Variants in FHOD3 observed in about 807,000 individuals in gnomAD.
The protein encoded by FHOD3 is FH1/FH2 domain-containing protein 3.
FHOD3 carries 90 observed loss-of-function variants against 173.0 expected under a neutral mutation model. The observed-to-expected ratio is 0.52, with a 90% CI of 0.44 to 0.62. The LOEUF is 0.62. Ranked by LOEUF, FHOD3 falls within the 20% of genes least tolerant of loss-of-function variation. The probability of loss-of-function intolerance (pLI) is 0.00; values close to 1 mark genes in which losing one functional copy is unlikely to be tolerated. For synonymous variants in FHOD3, 828 were observed against 823.0 expected, an observed-to-expected ratio of 1.01 and a Z score of -0.10; for missense variants, 1,945 against 2,034.7, an observed-to-expected ratio of 0.96 and a Z score of 0.85.
At chr18:36,356,926 AC>A (rs959904781) in intron 2 of FHOD3, among the ~76,000 whole-genome samples, 3 of 151,994 alleles carry the variant, frequency 2.0e-5, no homozygotes, top group African/African-American at 7.3e-5. Flanking sequence ...GAGTCACCAT[AC>A]CCAGCCTACT....
chr18:36,407,098 C>T (rs893484139), intron 3 of FHOD3, among the ~76,000 whole-genome samples: 1 of 152,320 alleles, frequency 6.6e-6, no homozygotes, highest in African/African-American at 2.4e-5. Context: ...CTTTCCCTGT[C>T]AGTCTTTGCT....
chr18:36,340,933 G>A (rs1477099831), intron 1 of FHOD3, among the ~76,000 whole-genome samples: 5 of 152,146 alleles, frequency 3.3e-5, no homozygotes, highest in Non-Finnish European at 5.9e-5. Flanking sequence ...CACCGCGCCC[G>A]GCCAGTCTCC....
At chr18:36,477,444 A>T (rs2053630662) in intron 3 of FHOD3, among the ~76,000 whole-genome samples, 1 of 152,032 alleles carries the variant, frequency 6.6e-6, no homozygotes, top group African/African-American at 2.4e-5. Context: ...TGTGACAGGG[A>T]AATAGCCAAA....
intron 7 of FHOD3, among the ~76,000 whole-genome samples, chr18:36,597,316 T>C (rs1402847513): frequency 2.0e-5 from 3 of 152,158 alleles, no homozygotes; most frequent in African/African-American, 4.8e-5. Context: ...ACCAAGTCTC[T>C]CCATCAAGAT....
At chr18:36,568,854 A>G (rs1366518911) in intron 5 of FHOD3, among the ~76,000 whole-genome samples, 2 of 152,226 alleles carry the variant, frequency 1.3e-5, no homozygotes, top group African/African-American at 4.8e-5. Context: ...CCCAACTTGC[A>G]TGGGAAAAGA....
intron 3 of FHOD3, among the ~76,000 whole-genome samples, chr18:36,495,838 C>T (rs932605888): frequency 2.0e-5 from 3 of 152,166 alleles, no homozygotes; most frequent in African/African-American, 7.2e-5. Flanking sequence ...CTAGGGAGCA[C>T]GATGTCTGTC....
In FHOD3 at chr18:36,426,969, T is replaced by C. The variant is rs188689316; in HGVS notation, c.337+54225T>C. On this transcript the variant is annotated intron_variant, in intron 3 of 28. Coordinates refer to ENST00000590592, the MANE Select transcript of FHOD3 (RefSeq NM_001281740.3). ...AACCAGGGAGTGGTACTGTTAAGAT[T>C]TGAATGCAGGGCTGTCTTCACAGCC... 4.1e-4 allele frequency among the ~76,000 whole-genome samples: 62 copies of C among 152,324 alleles called. 2 individuals are homozygous for C. The highest frequency in any genetic ancestry group is 3.7e-3 in the Admixed American group (57 of 15,304).
chr18:36,388,504 ACC>A (rs1397177187), intron 3 of FHOD3, among the ~76,000 whole-genome samples: 5 of 152,126 alleles, frequency 3.3e-5, no homozygotes, highest in Non-Finnish European at 7.3e-5. Flanking sequence ...AGCAGGACTT[ACC>A]TGCATGCCCC....
intron 5 of FHOD3, among the ~76,000 whole-genome samples, chr18:36,523,972 T>C (rs1302222511): frequency 6.6e-6 from 1 of 152,126 alleles, no homozygotes; most frequent in African/African-American, 2.4e-5. Flanking sequence ...TGGTGAACTA[T>C]CTTTAGTCAT....
intron 6 of FHOD3, among the ~76,000 whole-genome samples, chr18:36,585,000 C>CAA (rs1437037126): frequency 2.6e-5 from 4 of 152,060 alleles, no homozygotes; most frequent in African/African-American, 9.7e-5. Flanking sequence ...ATTTTTCTTA[C>CAA]AAAATTAACT....
At chr18:36,779,036 C>T (rs1187845528) in intron 28 of FHOD3, 1 of 167,782 alleles carries the variant, frequency 6.0e-6, no homozygotes, top group Non-Finnish European at 1.3e-5. Context: ...TTGCATTTTC[C>T]CCTGCTCTGG....
intron 19 of FHOD3, among the ~76,000 whole-genome samples, chr18:36,730,173 G>A (rs1186273374): frequency 5.9e-5 from 9 of 152,130 alleles, no homozygotes; most frequent in Non-Finnish European, 1.3e-4. Context: ...TGTAGATCTG[G>A]AGGGGCTGAC....
Position 36,602,689 on chromosome 18 carries a change from C to A in FHOD3, c.734C>A (p.Ser245Ter). ...TTACTCATAGGGGTCAAACCTTGGT[C>A]AAATATCATGGAAATCCTGGAGGAA... ...VDTKRGVKPW[S>*]NIMEILEEKD... Residue 245 changes from serine (S) to a stop codon, truncating the protein, a stop_gained, in exon 8 of 29, where the codon TCA (serine) becomes TAA (stop). Transcript: ENST00000590592. LOFTEE classifies it high-confidence loss of function. 1 of 1,613,980 alleles carries A rather than the reference C, an allele frequency of 6.2e-7. No homozygotes were observed. Among genetic ancestry groups the A allele is most frequent in the South Asian group, 1.1e-5 (1 of 91,046 alleles).
chr18:36,634,711 G>A (rs1479015681), intron 10 of FHOD3, among the ~76,000 whole-genome samples: 2 of 152,180 alleles, frequency 1.3e-5, no homozygotes, highest in Non-Finnish European at 2.9e-5. Flanking sequence ...AACTCAGGAT[G>A]ATGGTACCTG....
At position 36,653,402 on chromosome 18, in the gene FHOD3, T is replaced by C; in HGVS notation, c.1707T>C (p.Ser569=). The C allele has an allele frequency of 6.5e-7, 1 of 1,533,078 alleles. No individual in the cohort carries two copies. Among genetic ancestry groups the C allele is most frequent in the Non-Finnish European group, 8.7e-7 (1 of 1,144,700 alleles). 95.0% of individuals were successfully genotyped at this position (1,533,078 alleles called of 1,614,324 possible). A position where few individuals can be genotyped will look rare whatever the true frequency, so the allele number is the denominator to read the frequency against. Reference sequence around the variant, plus strand: ...CCTCTGAGCCTTACCACTTCCGATCTTTCTCTTCTAATAGGTGGGTGTCTT... The same window carrying C: ...CCTCTGAGCCTTACCACTTCCGATCCTTCTCTTCTAATAGGTGGGTGTCTT... ...YSASEPYHFR[S]FSSNRYSNFG... is the part of the protein sequence containing the mutation. Residue 569 remains serine, a synonymous_variant, in exon 13 of 29, where the codon TCT becomes TCC. Coordinates refer to ENST00000590592, the MANE Select transcript of FHOD3 (RefSeq NM_001281740.3).
chr18:36,531,455 G>T (rs1286126463), intron 5 of FHOD3, among the ~76,000 whole-genome samples: 1 of 152,130 alleles, frequency 6.6e-6, no homozygotes, highest in Non-Finnish European at 1.5e-5. Context: ...ACACTCTAGT[G>T]GTTGAGACCC....
At chr18:36,503,146 A>G (rs965002233) in intron 4 of FHOD3, among the ~76,000 whole-genome samples, 5 of 152,130 alleles carry the variant, frequency 3.3e-5, no homozygotes, top group African/African-American at 9.7e-5. Context: ...CACCAACATA[A>G]TGAAGAGGAC....
chr18:36,774,988 G>GA (rs535897070), intron 28 of FHOD3, among the ~76,000 whole-genome samples: 4 of 152,072 alleles, frequency 2.6e-5, no homozygotes, highest in South Asian at 2.1e-4. Flanking sequence ...ATTTTATGTG[G>GA]AAAAAAAGGA....
At chr18:36,440,618 C>T (rs972072692) in intron 3 of FHOD3, among the ~76,000 whole-genome samples, 4 of 152,246 alleles carry the variant, frequency 2.6e-5, no homozygotes, top group African/African-American at 4.8e-5. Flanking sequence ...TGCTCCAGGA[C>T]TCTGAAGATT....
Sources: gnomAD v4.1 joint callset for allele counts (sites outside exome capture counted in the v4.1 genomes callset) on GRCh38, gnomAD v4.1.1 for gene constraint, MANE v1.5 for transcripts, NCBI Gene and HGNC (gene_info 2026-07-23, HGNC 2026-07-21) for gene names.